The following RIC1 variants were observed in gnomAD, a reference collection of about 807,000 sequenced individuals.
RIC1 encodes RIC1 partner of RAB6A GEF complex, also known as guanine nucleotide exchange factor subunit RIC1.
In RIC1, 88 loss-of-function variants were observed where a neutral mutation model predicts 169.0. The observed-to-expected ratio is 0.52, with a 90% CI of 0.44 to 0.62. The LOEUF is 0.62. RIC1 is among the 20% of genes least tolerant of loss of function. RIC1 has a pLI of 0.00. For missense variants in RIC1, 1,877 were observed against 1,725.5 expected, an observed-to-expected ratio of 1.09 and a Z score of -1.56; for synonymous variants, 790 against 601.5, an observed-to-expected ratio of 1.31 and a Z score of -4.59.
At chr9:5,743,901 C>T (rs1464929582) in intron 10 of RIC1, among the ~76,000 whole-genome samples, 164 bp downstream of exon 10, 1 of 152,056 alleles carries the variant, frequency 6.6e-6, no homozygotes, top group Admixed American at 6.6e-5. Context: ...CCTCTCTAAG[C>T]GATCCTCCTG....
chr9:5,671,721 T>G (rs779872745), intron 2 of RIC1, among the ~76,000 whole-genome samples: 2 of 152,230 alleles, frequency 1.3e-5, no homozygotes. Flanking sequence ...AAGCCCCCAT[T>G]CCTAACTCCT....
Position 5,656,733 on chromosome 9 carries a change from A to G in RIC1, c.252+43A>G, listed in dbSNP as rs1351082379. 3.8e-6 allele frequency: 4 copies of G among 1,063,298 alleles called. 1 individual carries two copies. The Middle Eastern group carries it at 8.3e-4, about 220-fold the overall frequency. 65.9% of individuals were successfully genotyped at this position (1,063,298 alleles called of 1,614,324 possible). On this transcript the variant is annotated intron_variant, in intron 2 of 25. Transcript: ENST00000414202. ...CTAAATAGTGTTTTCTTATGAAATC[A>G]TTACATCGCATTTAAATTTGATTCT... is the stretch of plus-strand genomic sequence containing the variant.
At chr9:5,636,310 GT>G (rs549305299) in intron 1 of RIC1, among the ~76,000 whole-genome samples, 105 of 151,986 alleles carry the variant, frequency 6.9e-4, no homozygotes, top group African/African-American at 2.4e-3. Flanking sequence ...AAATGGTATT[GT>G]TTTCTTTTTC....
chr9:5,723,662 G>C (rs917749275), intron 6 of RIC1, among the ~76,000 whole-genome samples: 3 of 152,148 alleles, frequency 2.0e-5, no homozygotes, highest in Non-Finnish European at 2.9e-5. Flanking sequence ...GTATTGTCTA[G>C]GTTTTCTTCT....
chr9:5,728,437 C>T (rs1824140895), intron 6 of RIC1, among the ~76,000 whole-genome samples: 1 of 152,244 alleles, frequency 6.6e-6, no homozygotes, highest in Non-Finnish European at 1.5e-5. Context: ...CATGTACCAT[C>T]TGTCATGGCT....
intron 3 of RIC1, chr9:5,713,642 T>C (rs1471986811): frequency 2.9e-5 from 8 of 276,716 alleles, no homozygotes; most frequent in Non-Finnish European, 5.5e-5. Context: ...TTCAAGTGGG[T>C]TTTTTTCTCA....
chr9:5,704,226 T>A (rs542207571), intron 3 of RIC1, among the ~76,000 whole-genome samples: 1 of 152,052 alleles, frequency 6.6e-6, no homozygotes, highest in African/African-American at 2.4e-5. Flanking sequence ...TTTTTTTTTT[T>A]TATTTTTTTA....
intron 17 of RIC1, among the ~76,000 whole-genome samples, chr9:5,759,823 T>A (rs1310429213): frequency 6.6e-6 from 1 of 152,230 alleles, no homozygotes; most frequent in Non-Finnish European, 1.5e-5. Context: ...AAAATCTTGA[T>A]AATTGTGAAT....
chr9:5,687,375 C>T (rs981411233), intron 2 of RIC1, among the ~76,000 whole-genome samples: 4 of 152,172 alleles, frequency 2.6e-5, no homozygotes, highest in African/African-American at 4.8e-5. Context: ...CACCCTCCAC[C>T]ACTTGCTTTG....
intron 3 of RIC1, among the ~76,000 whole-genome samples, chr9:5,706,651 T>G (rs1264303717): frequency 1.3e-5 from 2 of 152,220 alleles, no homozygotes; most frequent in Non-Finnish European, 2.9e-5. Flanking sequence ...TATTCATATG[T>G]TTTATTTCCT....
intron 8 of RIC1, among the ~76,000 whole-genome samples, chr9:5,740,042 C>T (rs1824979501): frequency 6.6e-6 from 1 of 152,162 alleles, no homozygotes; most frequent in African/African-American, 2.4e-5. Flanking sequence ...TTTTGAGGCT[C>T]AGTATCTGCT....
At chr9:5,673,956 AAAT>A (rs1239118992) in intron 2 of RIC1, among the ~76,000 whole-genome samples, 5 of 152,138 alleles carry the variant, frequency 3.3e-5, no homozygotes, top group African/African-American at 1.2e-4. Flanking sequence ...ATAAAGAAAA[AAAT>A]TGTATTTTAG....
intron 2 of RIC1, among the ~76,000 whole-genome samples, chr9:5,667,604 A>G (rs1364637633): frequency 6.7e-6 from 1 of 149,924 alleles, no homozygotes; most frequent in African/African-American, 2.5e-5. Context: ...TCCTGGGCTT[A>G]AGTAATCCTC....
Position 5,720,825 on chromosome 9 carries a change from A to G in RIC1, c.720+75A>G, listed in dbSNP as rs142556516. The G allele has an allele frequency of 9.5e-6, 12 of 1,257,872 alleles. No homozygotes were observed. In the South Asian group the frequency reaches 1.1e-4, roughly 12 times the overall value. 77.9% of individuals were successfully genotyped at this position (1,257,872 alleles called of 1,614,324 possible). ...ATTCTTTGTTATCAAATTCTTCTCTATTTTCATCATTCATGTAAGATTTTA... is the reference window on the plus strand; with the variant it reads ...ATTCTTTGTTATCAAATTCTTCTCTGTTTTCATCATTCATGTAAGATTTTA... On this transcript the variant is annotated intron_variant, in intron 6 of 25. Coordinates refer to ENST00000414202, the MANE Select transcript of RIC1 (RefSeq NM_020829.4).
At chr9:5,720,948 C>T (rs1168433971) in intron 6 of RIC1, among the ~76,000 whole-genome samples, 198 bp downstream of exon 6, 1 of 152,072 alleles carries the variant, frequency 6.6e-6, no homozygotes, top group East Asian at 1.9e-4. Flanking sequence ...TCCTGTTCTC[C>T]TCCCTGCTCT....
intron 3 of RIC1, among the ~76,000 whole-genome samples, chr9:5,696,047 A>C (rs149149164): frequency 2.0e-3 from 307 of 152,196 alleles, no homozygotes; most frequent in African/African-American, 6.8e-3. Context: ...TCTTCACTTT[A>C]CATATTTGTT....
intron 17 of RIC1, among the ~76,000 whole-genome samples, chr9:5,759,999 G>C (rs1450435467): frequency 1.3e-5 from 2 of 152,210 alleles, no homozygotes; most frequent in Non-Finnish European, 2.9e-5. Flanking sequence ...TTCACAAAGA[G>C]AAGGTGCTTA....
chr9:5,715,192 A>G (rs1227503655), intron 4 of RIC1, among the ~76,000 whole-genome samples: 1 of 152,194 alleles, frequency 6.6e-6, no homozygotes, highest in Non-Finnish European at 1.5e-5. Flanking sequence ...TTATTTCAGC[A>G]TGGGAATCGT....
At chr9:5,673,959 T>C (rs997036486) in intron 2 of RIC1, among the ~76,000 whole-genome samples, 1 of 152,034 alleles carries the variant, frequency 6.6e-6, no homozygotes, top group Non-Finnish European at 1.5e-5. Context: ...AAGAAAAAAA[T>C]TGTATTTTAG....
Sources: allele counts gnomAD v4.1 joint callset (sites outside exome capture counted in the v4.1 genomes callset), GRCh38; gene constraint gnomAD v4.1.1; transcripts MANE v1.5; gene names NCBI Gene and HGNC (gene_info 2026-07-23, HGNC 2026-07-21).